The following EXOC6B variants were observed in gnomAD, a reference collection of about 807,000 sequenced individuals.
EXOC6B encodes the protein SEC15 homolog B.
In EXOC6B, 54 loss-of-function variants were observed where a neutral mutation model predicts 113.5. That is an observed-to-expected ratio of 0.48 (90% CI 0.38 to 0.60). The LOEUF (loss-of-function observed/expected upper bound fraction) is 0.60, where lower values mean the gene tolerates loss of function less well. Ranked by LOEUF, EXOC6B falls within the 20% of genes least tolerant of loss-of-function variation. EXOC6B has a pLI of 0.00. For synonymous variants in EXOC6B, 357 were observed against 339.0 expected (o/e 1.05, Z -0.58); for missense variants, 797 against 977.5 (o/e 0.82, Z 2.46).
At chr2:72,543,105 G>C (rs1267164674) in intron 8 of EXOC6B, among the ~76,000 whole-genome samples, 1 of 152,140 alleles carries the variant, frequency 6.6e-6, no homozygotes, top group African/African-American at 2.4e-5. Flanking sequence ...AACTGCCTGT[G>C]CCAAGGCATC....
At chr2:72,341,679 T>TAG (rs1162569540) in intron 19 of EXOC6B, among the ~76,000 whole-genome samples, 1 of 152,094 alleles carries the variant, frequency 6.6e-6, no homozygotes, top group African/African-American at 2.4e-5. Flanking sequence ...TAACAGTGGA[T>TAG]AGATCATCCA....
At chr2:72,818,338 T>C (rs1412627354) in intron 1 of EXOC6B, among the ~76,000 whole-genome samples, 1 of 149,230 alleles carries the variant, frequency 6.7e-6, no homozygotes, top group Non-Finnish European at 1.5e-5. Context: ...TTTTTTTGTA[T>C]TTTTAGTAGA....
intron 9 of EXOC6B, 127 bp from the exon 10 acceptor site, chr2:72,514,807 A>C (rs1320250613): frequency 1.6e-6 from 1 of 642,380 alleles, no homozygotes; most frequent in Non-Finnish European, 2.7e-6. Context: ...AAAAATAATA[A>C]TATTATCTAC....
chr2:72,518,939 G>A (rs1468910893), intron 8 of EXOC6B, among the ~76,000 whole-genome samples: 1 of 152,134 alleles, frequency 6.6e-6, no homozygotes, highest in East Asian at 1.9e-4. Flanking sequence ...TAAAGAATAG[G>A]AAGGAAAGAA....
chr2:72,258,866 T>C (rs1683524589), intron 20 of EXOC6B, among the ~76,000 whole-genome samples: 1 of 152,190 alleles, frequency 6.6e-6, no homozygotes, highest in Non-Finnish European at 1.5e-5. Flanking sequence ...AACATACAGA[T>C]AGTTGAAAGA....
intron 20 of EXOC6B, among the ~76,000 whole-genome samples, chr2:72,247,243 AT>A (rs1426699664): frequency 6.6e-6 from 1 of 152,226 alleles, no homozygotes; most frequent in Non-Finnish European, 1.5e-5. Context: ...CATCGCAGAA[AT>A]GAAGAAGTGG....
chr2:72,430,136 A>G (rs1695434094), intron 18 of EXOC6B, among the ~76,000 whole-genome samples: 1 of 152,232 alleles, frequency 6.6e-6, no homozygotes, highest in Non-Finnish European at 1.5e-5. Context: ...AAATCTGAGA[A>G]GACTACATCT....
In EXOC6B at chr2:72,300,437, G is replaced by A. The variant is rs554773695; in HGVS notation, c.2196+34510C>T. ...GTGCTAGCAGCAAGAATTTCAGCCA[G>A]TGGATCTTAGCTTGCTGGGCTCCAT... On this transcript the variant is annotated intron_variant, in intron 20 of 21. Transcript: ENST00000272427. 7.2e-5 allele frequency among the ~76,000 whole-genome samples: 11 copies of A among 152,348 alleles called. 1 individual carries two copies. Among genetic ancestry groups the A allele is most frequent in the African/African-American group, 2.6e-4 (11 of 41,584 alleles).
intron 5 of EXOC6B, among the ~76,000 whole-genome samples, chr2:72,720,494 T>C (rs187724318): frequency 2.0e-5 from 3 of 152,180 alleles, no homozygotes; most frequent in South Asian, 4.1e-4. Flanking sequence ...ATACCTATAA[T>C]GCCAACACTT....
chr2:72,552,236 T>A (rs1244454862), intron 8 of EXOC6B, among the ~76,000 whole-genome samples: 2 of 152,222 alleles, frequency 1.3e-5, no homozygotes, highest in Non-Finnish European at 2.9e-5. Flanking sequence ...AGGCTTACTC[T>A]TAACCTTAAA....
chr2:72,301,941 T>C (rs1169663806), intron 20 of EXOC6B, among the ~76,000 whole-genome samples: 5 of 152,180 alleles, frequency 3.3e-5, no homozygotes, highest in Non-Finnish European at 7.4e-5. Flanking sequence ...AGGTGGTTAG[T>C]TGAGATCTTT....
At chr2:72,661,617 TG>T (rs1250605702) in intron 6 of EXOC6B, among the ~76,000 whole-genome samples, 1 of 152,106 alleles carries the variant, frequency 6.6e-6, no homozygotes, top group Non-Finnish European at 1.5e-5. Context: ...GAAATAAATT[TG>T]TGTACTACAC....
chr2:72,637,632 T>G (rs1672941926), intron 6 of EXOC6B, among the ~76,000 whole-genome samples: 1 of 151,422 alleles, frequency 6.6e-6, no homozygotes, highest in Non-Finnish European at 1.5e-5. Context: ...CTACAAAAAA[T>G]TACAAAAATT....
intron 18 of EXOC6B, among the ~76,000 whole-genome samples, chr2:72,409,414 C>A (rs924553420): frequency 2.6e-5 from 4 of 152,106 alleles, no homozygotes; most frequent in Admixed American, 1.3e-4. Flanking sequence ...AGACACATGC[C>A]CATGTATGTT....
chr2:72,572,768 T>C (rs1381048174), intron 7 of EXOC6B, among the ~76,000 whole-genome samples: 4 of 152,200 alleles, frequency 2.6e-5, no homozygotes, highest in Non-Finnish European at 5.9e-5. Context: ...TTTGGAAACA[T>C]CTAAATAAAT....
intron 18 of EXOC6B, among the ~76,000 whole-genome samples, chr2:72,408,145 A>T (rs1165449049): frequency 6.6e-6 from 1 of 152,206 alleles, no homozygotes; most frequent in Non-Finnish European, 1.5e-5. Flanking sequence ...ATACCTAGGA[A>T]TCCAACTTAC....
chr2:72,564,428 T>C (rs2103737802), intron 7 of EXOC6B, among the ~76,000 whole-genome samples: 1 of 152,222 alleles, frequency 6.6e-6, no homozygotes, highest in East Asian at 1.9e-4. Context: ...TTTCTCCGTA[T>C]CGGTAAATGA....
chr2:72,741,489 G>T lies in EXOC6B; in HGVS notation c.114-20C>A, dbSNP rs769673357. 8 of 1,591,898 alleles carry T rather than the reference G, an allele frequency of 5.0e-6. No individual in the cohort carries two copies. The highest frequency in any genetic ancestry group is 1.4e-5 in the African/African-American group (1 of 73,212). ...ACAGACCTTTAAAAAAAAATGGCAC[G>T]AAGATTATACCATGGTTACTTCTAA... On this transcript the variant is annotated intron_variant, in intron 1 of 21. Transcript: ENST00000272427.
At chr2:72,531,490 T>C (rs1465167299) in intron 8 of EXOC6B, among the ~76,000 whole-genome samples, 1 of 152,238 alleles carries the variant, frequency 6.6e-6, no homozygotes, top group African/African-American at 2.4e-5. Context: ...ATACATTCTT[T>C]TCAAGCGCAT....
Sources: allele counts gnomAD v4.1 joint callset (sites outside exome capture counted in the v4.1 genomes callset), GRCh38; gene constraint gnomAD v4.1.1; transcripts MANE v1.5; gene names NCBI Gene and HGNC (gene_info 2026-07-23, HGNC 2026-07-21).